ZNF71: variants seen among roughly 807,000 people sequenced by gnomAD.
The protein encoded by ZNF71 is zinc finger protein 71.
In ZNF71, 3 loss-of-function variants were observed where a neutral mutation model predicts 6.7. The ratio of observed to expected loss-of-function variants is 0.45; its 90% CI spans 0.20 to 1.16. ZNF71 has a LOEUF of 1.16. ZNF71 is among the 50% of genes most tolerant of loss of function. The pLI, the probability that ZNF71 is intolerant of heterozygous loss-of-function variation, is 0.25. For synonymous variants in ZNF71, 343 were observed against 311.1 expected (o/e 1.10, Z -1.08); for missense variants, 688 against 728.6 (o/e 0.94, Z 0.64).
At position 56,621,938 on chromosome 19, in the gene ZNF71, C is replaced by T. The variant is rs1555776583; in HGVS notation, c.831C>T (p.Asp277=). Residue 277 remains aspartate (D), a synonymous_variant, in exon 4 of 4, where the codon GAC becomes GAT. Coordinates refer to ENST00000599599, the MANE Select transcript of ZNF71 (RefSeq NM_001370215.1). ...THTGEKPYVC[D]VCGKAFRKTS... ...CGGGCGAGAAGCCGTATGTGTGCGA[C>T]GTGTGTGGCAAGGCCTTCCGGAAGA... The T allele has an allele frequency of 6.2e-7, 1 of 1,606,282 alleles. No individual in the cohort carries two copies. The highest frequency in any genetic ancestry group is 8.5e-7 in the Non-Finnish European group (1 of 1,178,510).
chr19:56,610,102 T>C (rs781540469), intron 2 of ZNF71: 3 of 152,222 alleles, frequency 2.0e-5, no homozygotes, highest in Non-Finnish European at 4.4e-5. Context: ...CATCAGTGTA[T>C]AGTTTTTGTG....
At chr19:56,600,433 A>G (rs111683039) in intron 1 of ZNF71, among the ~76,000 whole-genome samples, 1 of 17,700 alleles carries the variant, frequency 5.6e-5, no homozygotes, top group Non-Finnish European at 1.3e-4. Context: ...TCCTGACCTC[A>G]TGATCCACCC....
In ZNF71 at chr19:56,601,537, A is replaced by G. The variant is rs1473188619; in HGVS notation, c.-22A>G. 1 of 985,640 alleles carries G rather than the reference A, an allele frequency of 1.0e-6. No individual in the cohort carries two copies. Among genetic ancestry groups the G allele is most frequent in the Non-Finnish European group, 1.2e-6 (1 of 829,996 alleles). The allele number at this position is 985,640 out of a possible 1,614,324, so 61.1% of individuals were successfully genotyped here. ...TTGGTCACCGCAGGCCTGTCTTCCT[A>G]TTCACCGTGGGCAGCAGAGGGATGG... On this transcript the variant is annotated 5_prime_UTR_variant, in exon 2 of 4. Coordinates refer to ENST00000599599, the MANE Select transcript of ZNF71 (RefSeq NM_001370215.1).
intron 2 of ZNF71, among the ~76,000 whole-genome samples, chr19:56,601,965 G>C (rs1331461544): frequency 6.6e-6 from 1 of 152,196 alleles, no homozygotes; most frequent in Non-Finnish European, 1.5e-5. Flanking sequence ...CATGTGTGAT[G>C]AAAGTACAAA....
chr19:56,602,738 G>T (rs763908303), intron 2 of ZNF71, among the ~76,000 whole-genome samples: 4 of 152,204 alleles, frequency 2.6e-5, no homozygotes, highest in Non-Finnish European at 5.9e-5. Flanking sequence ...AGAAGCAAAT[G>T]TGTGTGTGTA....
chr19:56,606,781 C>T (rs2044713251), intron 2 of ZNF71, among the ~76,000 whole-genome samples: 1 of 151,940 alleles, frequency 6.6e-6, no homozygotes, highest in African/African-American at 2.4e-5. Context: ...ACTGGCTTCT[C>T]CCAGAGCAAG....
intron 2 of ZNF71, among the ~76,000 whole-genome samples, chr19:56,608,577 C>A (rs1034894682): frequency 6.6e-6 from 1 of 152,230 alleles, no homozygotes; most frequent in South Asian, 2.1e-4. Context: ...GTGCATATAA[C>A]CTTTCCTTGG....
intron 3 of ZNF71, among the ~76,000 whole-genome samples, chr19:56,619,347 G>A (rs1308945606): frequency 6.6e-6 from 1 of 152,072 alleles, no homozygotes; most frequent in Non-Finnish European, 1.5e-5. Flanking sequence ...GGCATCCTCT[G>A]TTCTACCGTC....
chr19:56,612,556 T>C (rs1247078484), intron 2 of ZNF71, among the ~76,000 whole-genome samples: 2 of 152,150 alleles, frequency 1.3e-5, no homozygotes, highest in African/African-American at 4.8e-5. Context: ...TTCTCACTTA[T>C]GAGTGGGAGC....
Position 56,618,668 on chromosome 19 carries a change from G to A in ZNF71, c.161-2600G>A, listed in dbSNP as rs1319673212. Among the ~76,000 whole-genome samples, 2 of 151,850 alleles carry A rather than the reference G, an allele frequency of 1.3e-5. No homozygotes were observed. Among genetic ancestry groups the A allele is most frequent in the Non-Finnish European group, 2.9e-5 (2 of 67,960 alleles). Reference sequence around the variant, plus strand: ...AGGCCTGAAGGATAAGGACGTCCACGGCAGGTCCACAGGACAGTGGATGCA... The same window carrying A: ...AGGCCTGAAGGATAAGGACGTCCACAGCAGGTCCACAGGACAGTGGATGCA... On this transcript the variant is annotated intron_variant, in intron 3 of 3. Coordinates refer to ENST00000599599, the MANE Select transcript of ZNF71 (RefSeq NM_001370215.1). This position sits in a 1 kb window ranked among gnomAD's most constrained non-coding sequence, Gnocchi z 4.6.
At position 56,613,367 on chromosome 19, in the gene ZNF71, C is replaced by G. The variant is rs1568506817; in HGVS notation, c.34-445C>G. 6.6e-6 allele frequency among the ~76,000 whole-genome samples: 1 copy of G among 152,224 alleles called. No individual in the cohort carries two copies. The highest frequency in any genetic ancestry group is 1.5e-5 in the Non-Finnish European group (1 of 68,036). ...CCAAATTACGTGTCTTTGTCTGCCTCTGCCATGAGGAACTAGTTCTTGAAC... is the reference window on the plus strand; with the variant it reads ...CCAAATTACGTGTCTTTGTCTGCCTGTGCCATGAGGAACTAGTTCTTGAAC... On this transcript the variant is annotated intron_variant, in intron 2 of 3. Coordinates refer to ENST00000599599, the MANE Select transcript of ZNF71 (RefSeq NM_001370215.1). The surrounding 1 kb of genome is among the most constrained non-coding windows in gnomAD (Gnocchi z 4.6).
At chr19:56,611,199 T>A (rs2148012398) in intron 2 of ZNF71, among the ~76,000 whole-genome samples, 1 of 152,250 alleles carries the variant, frequency 6.6e-6, no homozygotes, top group East Asian at 1.9e-4. Flanking sequence ...CTGGCAGGGC[T>A]GGAGCAGAGC....
In ZNF71 at chr19:56,622,371, G is replaced by A. The variant is rs1239898109; in HGVS notation, c.1264G>A (p.Ala422Thr). 9 of 1,612,584 alleles carry A rather than the reference G, an allele frequency of 5.6e-6. No individual in the cohort carries two copies. Among genetic ancestry groups the A allele is most frequent in the Non-Finnish European group, 7.6e-6 (9 of 1,179,532 alleles). The change falls in exon 4 of 4, where the codon GCC (alanine) becomes ACC (threonine). Residue 422 changes from alanine (A) to threonine (T), a missense_variant. Transcript: ENST00000599599. Reference protein sequence around the residue: ...KPFECSECGKAFSKNSSLTQH... With the variant: ...KPFECSECGKTFSKNSSLTQH... Reference sequence around the variant, plus strand: ...GTTCGAGTGCAGCGAGTGCGGCAAGGCCTTCAGCAAGAACTCCTCGCTCAC... The same window carrying A: ...GTTCGAGTGCAGCGAGTGCGGCAAGACCTTCAGCAAGAACTCCTCGCTCAC...
rs1207532695 is a variant in ZNF71 at position 56,622,475 on chromosome 19, C to T, written c.1368C>T (p.Ser456=). 1.9e-6 allele frequency: 3 copies of T among 1,607,498 alleles called. No homozygotes were observed. Among genetic ancestry groups the T allele is most frequent in the African/African-American group, 1.4e-5 (1 of 73,852 alleles). ...AGAAGCACTTCACGGGGCGCTCGTCCCTCATCGTGCACCAGATCGTGCACA... is the reference window on the plus strand; with the variant it reads ...AGAAGCACTTCACGGGGCGCTCGTCTCTCATCGTGCACCAGATCGTGCACA... ...ICKKHFTGRS[S]LIVHQIVHTG... Residue 456 remains serine, a synonymous_variant, in exon 4 of 4, where the codon TCC becomes TCT. Coordinates refer to ENST00000599599, the MANE Select transcript of ZNF71 (RefSeq NM_001370215.1).
At chr19:56,616,599 T>A (rs140548620) in intron 3 of ZNF71, among the ~76,000 whole-genome samples, 6 of 152,230 alleles carry the variant, frequency 3.9e-5, no homozygotes, top group Non-Finnish European at 7.3e-5. Context: ...TCCTTTCAGA[T>A]GTTTTTTTCC....
At chr19:56,602,735 A>G (rs984741028) in intron 2 of ZNF71, among the ~76,000 whole-genome samples, 1 of 152,304 alleles carries the variant, frequency 6.6e-6, no homozygotes. Context: ...TACAGAAGCA[A>G]ATGTGTGTGT....
At position 56,621,487 on chromosome 19, in the gene ZNF71, T is replaced by C; in HGVS notation, c.380T>C (p.Leu127Pro). 1 of 1,614,076 alleles carries C rather than the reference T, an allele frequency of 6.2e-7. No individual in the cohort carries two copies. ...EPLGIPQGNK[L>P]LGGSVPACHE... The stretch of plus-strand genomic sequence containing the variant: ...TTGGGAATTCCCCAGGGGAACAAAC[T>C]CTTAGGGGGCTCAGTACCCGCATGT... Residue 127 changes from leucine to proline, a missense_variant, in exon 4 of 4, where the codon CTC becomes CCC. Physicochemically the swap from Leu to Pro is moderately conservative, Grantham distance 98 (BLOSUM62 -3). Coordinates refer to ENST00000599599, the MANE Select transcript of ZNF71 (RefSeq NM_001370215.1).
chr19:56,603,029 T>C lies in ZNF71; in HGVS notation c.33+1438T>C, dbSNP rs1176303635. Among the ~76,000 whole-genome samples, 1 of 152,218 alleles carries C rather than the reference T, an allele frequency of 6.6e-6. No individual in the cohort carries two copies. The highest frequency in any genetic ancestry group is 2.1e-4 in the South Asian group (1 of 4,830). On this transcript the variant is annotated intron_variant, in intron 2 of 3. Transcript: ENST00000599599. This position sits in a 1 kb window ranked among gnomAD's most constrained non-coding sequence, Gnocchi z 4.6. The stretch of plus-strand genomic sequence containing the variant: ...CTATATAAATGTGTCAGTAGACTTA[T>C]TTGGGAGCTTTGGTTTATTCTGTCT...
chr19:56,614,162 A>ATTAT (rs1334554988), intron 3 of ZNF71, among the ~76,000 whole-genome samples: 3 of 152,258 alleles, frequency 2.0e-5, no homozygotes, highest in African/African-American at 7.2e-5. Flanking sequence ...CCTGGGAATA[A>ATTAT]GAAAAAGACT....
Sources: gnomAD v4.1 joint callset for allele counts (sites outside exome capture counted in the v4.1 genomes callset) on GRCh38, gnomAD v4.1.1 for gene constraint, Gnocchi (gnomAD v3.1) non-coding constraint, MANE v1.5 for transcripts, NCBI Gene and HGNC (gene_info 2026-07-23, HGNC 2026-07-21) for gene names.